Variants in ZNF583 observed in about 807,000 individuals in gnomAD.
The protein encoded by ZNF583 is zinc finger protein 583, also known as zinc finger protein L3-5.
Under a neutral mutation model 55.3 loss-of-function variants are expected in ZNF583, and 30 were observed. That is an observed-to-expected ratio of 0.54 (90% CI 0.41 to 0.74). The LOEUF (loss-of-function observed/expected upper bound fraction) is 0.74. ZNF583 is among the 30% of genes least tolerant of loss of function. The pLI, the probability that ZNF583 is intolerant of heterozygous loss-of-function variation, is 0.00. For synonymous variants in ZNF583, 208 were observed against 220.0 expected, an observed-to-expected ratio of 0.95 and a Z score of 0.48; for missense variants, 504 against 664.7, an observed-to-expected ratio of 0.76 and a Z score of 2.66.
intron 2 of ZNF583, among the ~76,000 whole-genome samples, chr19:56,409,192 A>G (rs1394685391): frequency 2.0e-5 from 3 of 152,102 alleles, no homozygotes; most frequent in Non-Finnish European, 4.4e-5. Flanking sequence ...CTCCTTTGTT[A>G]GAATATTAAG....
At position 56,407,014 on chromosome 19, in the gene ZNF583, T is replaced by C. The variant is rs1475368396; in HGVS notation, c.-89-12T>C. ...CAGGCCTGGCATTTTATGGTTTCTT[T>C]TCCTTCTCCAGCTCGACTTTCTCAG... On this transcript the variant is annotated splice_polypyrimidine_tract_variant and intron_variant, in intron 1 of 4. Transcript: ENST00000333201. The C allele has an allele frequency of 7.0e-7, 1 of 1,427,702 alleles. No individual in the cohort carries two copies. The highest frequency in any genetic ancestry group is 1.4e-5 in the African/African-American group (1 of 69,794). 88.4% of individuals were successfully genotyped at this position (1,427,702 alleles called of 1,614,324 possible).
At chr19:56,408,094 AT>A (rs1257713219) in intron 2 of ZNF583, among the ~76,000 whole-genome samples, 3 of 152,218 alleles carry the variant, frequency 2.0e-5, no homozygotes, top group African/African-American at 7.2e-5. Context: ...CTAGTTTATT[AT>A]ATGATGTACT....
At chr19:56,414,531 G>A in intron 4 of ZNF583, 91 bp downstream of exon 4, 1 of 1,197,794 alleles carries the variant, frequency 8.3e-7, no homozygotes, top group Non-Finnish European at 1.2e-6. Flanking sequence ...ACGTTTCCTG[G>A]GTAGCTCTTC....
chr19:56,406,756 T>A (rs2042158396), intron 1 of ZNF583, among the ~76,000 whole-genome samples: 1 of 152,160 alleles, frequency 6.6e-6, no homozygotes, highest in Non-Finnish European at 1.5e-5. Flanking sequence ...CTCGATCTCC[T>A]GACTTCGTGA....
At chr19:56,411,161 G>C (rs952189927) in intron 2 of ZNF583, among the ~76,000 whole-genome samples, 58 of 151,854 alleles carry the variant, frequency 3.8e-4, no homozygotes, top group African/African-American at 1.4e-3. Flanking sequence ...CTGGTGATGA[G>C]TGCCTGTGGT....
At position 56,414,431 on chromosome 19, in the gene ZNF583, C is replaced by T. The variant is rs2042286841; in HGVS notation, c.223C>T (p.Pro75Ser). ...WMVKKEGTRG[P>S]CPDWEYVFKN... ...GGTGAAGAAGGAGGGAACAAGAGGC[C>T]CATGCCCTGGTGAGTGAGAGAGAAA... The change falls in exon 4 of 5, where the codon CCA (proline) becomes TCA (serine). Residue 75 changes from proline to serine, a missense_variant. Coordinates refer to ENST00000333201, the MANE Select transcript of ZNF583 (RefSeq NM_152478.3). 6.2e-7 allele frequency: 1 copy of T among 1,613,820 alleles called. No homozygotes were observed. Among genetic ancestry groups the T allele is most frequent in the Admixed American group, 1.7e-5 (1 of 59,988 alleles).
At chr19:56,404,325 CT>C (rs978090423), upstream of ZNF583, 2 of 152,214 alleles carry the variant, frequency 1.3e-5, no homozygotes, top group African/African-American at 2.4e-5. The surrounding 1 kb of genome is among the most constrained non-coding windows in gnomAD (Gnocchi z 5.2). Flanking sequence ...CCCCTGCGGC[CT>C]GCCCTAGGGC....
In ZNF583 at chr19:56,426,767, C is replaced by T. The variant is rs1173320573; in HGVS notation, c.*2399C>T. On this transcript the variant is annotated 3_prime_UTR_variant, in exon 5 of 5. Transcript: ENST00000333201. ...CATTGAAAGCATACAAAAAGAGATA[C>T]TATGCACTAATTTAAAAGAGCATGA... The T allele has an allele frequency of 6.6e-6, 1 of 152,070 alleles. No homozygotes were observed. Among genetic ancestry groups the T allele is most frequent in the African/African-American group, 2.4e-5 (1 of 41,418 alleles). 9.4% of individuals were successfully genotyped at this position (152,070 alleles called of 1,614,324 possible). A position where few individuals can be genotyped will look rare whatever the true frequency, so the allele number is the denominator to read the frequency against.
intron 2 of ZNF583, among the ~76,000 whole-genome samples, chr19:56,410,027 T>TATC (rs1213800039): frequency 6.6e-6 from 1 of 152,194 alleles, no homozygotes; most frequent in Non-Finnish European, 1.5e-5. Flanking sequence ...TTAGTACCCT[T>TATC]ATCACTTCCT....
At chr19:56,407,559 CT>C (rs1224541017) in intron 2 of ZNF583, among the ~76,000 whole-genome samples, 1 of 152,180 alleles carries the variant, frequency 6.6e-6, no homozygotes, top group Non-Finnish European at 1.5e-5. Context: ...GGCAAAGTCT[CT>C]TGCTCAAAGT....
Position 56,423,120 on chromosome 19 carries a change from A to G in ZNF583, c.462A>G (p.Gln154=), listed in dbSNP as rs563516472. ...ATAAAGAAATCCTTCCAGAAGTTCA[A>G]AATAAAGAATATAACAAATCTTGGC... is the stretch of plus-strand genomic sequence containing the variant. ...ITHKEILPEV[Q]NKEYNKSWQT... Residue 154 remains glutamine, a synonymous_variant, in exon 5 of 5, where the codon CAA becomes CAG. Transcript: ENST00000333201. 1.2e-6 allele frequency: 2 copies of G among 1,612,116 alleles called. No homozygotes were observed. Among genetic ancestry groups the G allele is most frequent in the South Asian group, 2.2e-5 (2 of 90,588 alleles).
rs931482629 is a variant in ZNF583, at chr19:56,416,047, G to A, written c.232+1607G>A. On this transcript the variant is annotated intron_variant, in intron 4 of 4. Transcript: ENST00000333201. ...ATTCTTTTTTTAAAAGAATATATTG[G>A]TCGGGCGTGGTGGCTTACACCTGTA... Among the ~76,000 whole-genome samples, 4 of 151,182 alleles carry A rather than the reference G, an allele frequency of 2.6e-5. No homozygotes were observed. The South Asian group carries it at 6.3e-4, about 24-fold the overall frequency.
At chr19:56,420,954 C>T (rs2042404406) in intron 4 of ZNF583, among the ~76,000 whole-genome samples, 1 of 152,026 alleles carries the variant, frequency 6.6e-6, no homozygotes. Context: ...AATATTTGCT[C>T]ATCTCTATCT....
rs776027690 is a variant in ZNF583 at position 56,422,981 on chromosome 19, A to C, written c.323A>C (p.His108Pro). The C allele has an allele frequency of 6.2e-7, 1 of 1,613,970 alleles. No individual in the cohort carries two copies. The highest frequency in any genetic ancestry group is 8.5e-7 in the Non-Finnish European group (1 of 1,179,876). Residue 108 changes from histidine to proline, a missense_variant, in exon 5 of 5, where the codon CAT becomes CCT. Physicochemically the swap from His to Pro is moderately conservative, Grantham distance 77. Coordinates refer to ENST00000333201, the MANE Select transcript of ZNF583 (RefSeq NM_152478.3). ...AAAGTTGTGACAGTGGGAGCAAGACATCTTAGTTATAGCCTTGACTATCCC... is the reference window on the plus strand; with the variant it reads ...AAAGTTGTGACAGTGGGAGCAAGACCTCTTAGTTATAGCCTTGACTATCCC... ...SSKVVTVGAR[H>P]LSYSLDYPSL...
intron 4 of ZNF583, among the ~76,000 whole-genome samples, chr19:56,415,645 C>T (rs2042309284): frequency 6.6e-6 from 1 of 152,106 alleles, no homozygotes; most frequent in South Asian, 2.1e-4. Context: ...TGCACTGCAA[C>T]CTCCACCTCC....
chr19:56,407,250 A>G (rs1360369932), intron 2 of ZNF583, 127 bp downstream of exon 2: 4 of 1,077,006 alleles, frequency 3.7e-6, no homozygotes, highest in Non-Finnish European at 2.7e-6. Flanking sequence ...CTCGTTCCTC[A>G]TATCTTGCTT....
chr19:56,416,401 A>T (rs1351365160), intron 4 of ZNF583, among the ~76,000 whole-genome samples: 2 of 150,862 alleles, frequency 1.3e-5, no homozygotes, highest in Non-Finnish European at 3.0e-5. Flanking sequence ...GAACTAGCTT[A>T]TGGATTTATG....
At chr19:56,410,840 A>C (rs2042227462) in intron 2 of ZNF583, among the ~76,000 whole-genome samples, 2 of 152,210 alleles carry the variant, frequency 1.3e-5, no homozygotes. Flanking sequence ...CAGTAAGTGA[A>C]ATATATACAT....
intron 4 of ZNF583, among the ~76,000 whole-genome samples, chr19:56,422,489 T>G (rs543985272): frequency 6.6e-6 from 1 of 152,312 alleles, no homozygotes; most frequent in African/African-American, 2.4e-5. Context: ...ATATTAATAC[T>G]GCCTACTGTT....
Sources: gnomAD v4.1 joint callset for allele counts (sites outside exome capture counted in the v4.1 genomes callset) on GRCh38, gnomAD v4.1.1 for gene constraint, Gnocchi (gnomAD v3.1) non-coding constraint, MANE v1.5 for transcripts, NCBI Gene and HGNC (gene_info 2026-07-23, HGNC 2026-07-21) for gene names.